DCC: variants seen among roughly 807,000 people sequenced by gnomAD.
The protein encoded by DCC is netrin receptor DCC.
In DCC, 58 loss-of-function variants were observed where a neutral mutation model predicts 172.5. That is an observed-to-expected ratio of 0.34 (90% CI 0.27 to 0.42). The LOEUF (loss-of-function observed/expected upper bound fraction) is 0.42, where lower values mean the gene tolerates loss of function less well. Ranked by LOEUF, DCC falls within the 10% of genes least tolerant of loss-of-function variation. The probability of loss-of-function intolerance (pLI) is 1.00; values close to 1 mark genes in which losing one functional copy is unlikely to be tolerated. For missense variants in DCC, 1,740 were observed against 1,791.0 expected (o/e 0.97, Z 0.51); for synonymous variants, 709 against 644.5 (o/e 1.10, Z -1.52).
chr18:52,590,035 G>A (rs181418182), intron 1 of DCC, among the ~76,000 whole-genome samples: 3 of 152,134 alleles, frequency 2.0e-5, no homozygotes, highest in Admixed American at 6.5e-5. Flanking sequence ...TAATAAAATA[G>A]CATAGTGCTC....
intron 12 of DCC, among the ~76,000 whole-genome samples, chr18:53,276,262 A>AAAATACATT (rs1486243340): frequency 6.6e-6 from 1 of 152,172 alleles, no homozygotes; most frequent in Admixed American, 6.6e-5. Flanking sequence ...GCTGCTTAAC[A>AAAATACATT]AAATACATTC....
chr18:52,746,868 G>A (rs1176155238), intron 1 of DCC, among the ~76,000 whole-genome samples: 2 of 151,352 alleles, frequency 1.3e-5, no homozygotes, highest in Admixed American at 6.6e-5. Context: ...AAGCATGGAA[G>A]GTTTTGCTAT....
At chr18:53,252,192 C>A (rs2056444537) in intron 12 of DCC, among the ~76,000 whole-genome samples, 1 of 151,888 alleles carries the variant, frequency 6.6e-6, no homozygotes, top group Admixed American at 6.6e-5. Context: ...TCATTTGTTG[C>A]AAGAAACCCC....
chr18:53,040,238 T>A (rs1449178763), intron 5 of DCC, among the ~76,000 whole-genome samples: 2 of 152,004 alleles, frequency 1.3e-5, no homozygotes, highest in African/African-American at 2.4e-5. Flanking sequence ...CACTGTGCTA[T>A]GTGCTTTGCA....
chr18:52,366,370 G>T (rs1049676868), intron 1 of DCC, among the ~76,000 whole-genome samples: 2 of 152,170 alleles, frequency 1.3e-5, no homozygotes, highest in African/African-American at 2.4e-5. Context: ...GACCCGAGCG[G>T]GTTGCCAATG....
intron 5 of DCC, among the ~76,000 whole-genome samples, chr18:53,006,473 A>C (rs559792190): frequency 6.6e-6 from 1 of 152,344 alleles, no homozygotes; most frequent in Admixed American, 6.5e-5. Flanking sequence ...AGCAAAAGAG[A>C]AACTAGAGAT....
chr18:52,693,189 T>TG (rs56703821), intron 1 of DCC, among the ~76,000 whole-genome samples: 150,547 of 151,878 alleles, frequency 0.99, 74,627 homozygotes, highest in East Asian at 1. Context: ...TGTGAGCTTT[T>TG]ATCAGTTTAA....
chr18:53,384,952 A>G (rs1437069245), intron 15 of DCC, among the ~76,000 whole-genome samples: 1 of 148,622 alleles, frequency 6.7e-6, no homozygotes, highest in Non-Finnish European at 1.5e-5. Flanking sequence ...GGTTCACGCC[A>G]TTCTCCTGCC....
intron 5 of DCC, among the ~76,000 whole-genome samples, chr18:52,985,912 T>C (rs1008931293): frequency 2.0e-5 from 3 of 152,196 alleles, no homozygotes; most frequent in African/African-American, 7.2e-5. Context: ...GTTTCTTAAA[T>C]CATCAATGGG....
intron 7 of DCC, among the ~76,000 whole-genome samples, chr18:53,134,167 T>C (rs2043702625): frequency 6.6e-6 from 1 of 152,200 alleles, no homozygotes; most frequent in Non-Finnish European, 1.5e-5. Context: ...TATGTTGCTG[T>C]ACTGCAGGTT....
At chr18:52,683,435 C>T (rs150687703) in intron 1 of DCC, among the ~76,000 whole-genome samples, 63 of 152,096 alleles carry the variant, frequency 4.1e-4, no homozygotes, top group South Asian at 2.1e-3. Flanking sequence ...AGGGACAATA[C>T]GAAGGAACCC....
intron 1 of DCC, among the ~76,000 whole-genome samples, chr18:52,514,674 T>C (rs1201936501): frequency 6.6e-6 from 1 of 152,230 alleles, no homozygotes; most frequent in African/African-American, 2.4e-5. Flanking sequence ...CAACTGAGTA[T>C]AATTTTCCAT....
chr18:53,397,164 C>G, intron 17 of DCC, 144 bp from the exon 18 acceptor site: 1 of 725,446 alleles, frequency 1.4e-6, no homozygotes, highest in Non-Finnish European at 2.4e-6. Flanking sequence ...GATGGGAATT[C>G]GAGTCAGTGC....
At chr18:52,926,880 TATAC>T (rs2040212084) in intron 5 of DCC, among the ~76,000 whole-genome samples, 1 of 145,348 alleles carries the variant, frequency 6.9e-6, no homozygotes, top group African/African-American at 2.5e-5. Flanking sequence ...CATATACATA[TATAC>T]ACACACATAC....
intron 1 of DCC, among the ~76,000 whole-genome samples, chr18:52,694,284 G>A (rs2035976589): frequency 6.6e-6 from 1 of 152,074 alleles, no homozygotes; most frequent in Admixed American, 6.6e-5. Flanking sequence ...GTCCAGTGGA[G>A]ACTAAAAAGA....
At chr18:52,824,967 C>CATATATATATATATATATATATAT (rs148347043) in intron 2 of DCC, among the ~76,000 whole-genome samples, 36 of 148,360 alleles carry the variant, frequency 2.4e-4, no homozygotes, top group South Asian at 2.2e-3. Context: ...GAGACTCCCT[C>CATATATATATATATATATATATAT]ATATATATAT....
chr18:52,780,188 C>A (rs1459425352), intron 2 of DCC, among the ~76,000 whole-genome samples: 3 of 152,034 alleles, frequency 2.0e-5, no homozygotes, highest in Non-Finnish European at 4.4e-5. Context: ...AGTTGAATTT[C>A]ATCTGTTTTT....
chr18:52,521,043 A>G (rs969059704), intron 1 of DCC, among the ~76,000 whole-genome samples: 1 of 152,176 alleles, frequency 6.6e-6, no homozygotes, highest in African/African-American at 2.4e-5. Context: ...ACATGGTGGT[A>G]TATTTAAAGC....
chr18:53,109,795 T>G (rs372047848), intron 7 of DCC, among the ~76,000 whole-genome samples: 3 of 151,692 alleles, frequency 2.0e-5, no homozygotes, highest in African/African-American at 7.2e-5. Context: ...TTGTCCTTTT[T>G]TTTCCTTCCA....
Sources: gnomAD v4.1 joint callset for allele counts (sites outside exome capture counted in the v4.1 genomes callset) on GRCh38, gnomAD v4.1.1 for gene constraint, MANE v1.5 for transcripts, NCBI Gene and HGNC (gene_info 2026-07-23, HGNC 2026-07-21) for gene names.